Variants in FHIT observed in about 807,000 individuals in gnomAD.
The protein encoded by FHIT is fragile histidine triad diadenosine triphosphatase, also known as bis(5'-adenosyl)-triphosphatase.
In FHIT, 19 loss-of-function variants were observed where a neutral mutation model predicts 17.9. That is an observed-to-expected ratio of 1.06 (90% CI 0.74 to 1.56). The LOEUF is 1.56. Among genes scored for constraint, FHIT ranks in the 40% most tolerant of loss-of-function variants. The pLI, the probability that FHIT is intolerant of heterozygous loss-of-function variation, is 0.00. For synonymous variants in FHIT, 81 were observed against 69.7 expected, an observed-to-expected ratio of 1.16 and a Z score of -0.81; for missense variants, 248 against 189.2, an observed-to-expected ratio of 1.31 and a Z score of -1.82.
intron 5 of FHIT, among the ~76,000 whole-genome samples, chr3:60,522,424 T>C (rs1354926026): frequency 6.6e-6 from 1 of 152,198 alleles, no homozygotes; most frequent in Non-Finnish European, 1.5e-5. Context: ...ACAACCATAA[T>C]TTCTTAATGC....
At chr3:60,441,577 A>T (rs1378799557) in intron 5 of FHIT, among the ~76,000 whole-genome samples, 1 of 150,892 alleles carries the variant, frequency 6.6e-6, no homozygotes, top group Non-Finnish European at 1.5e-5. Flanking sequence ...CAAGATAGAG[A>T]CACACCTTTA....
chr3:60,090,969 T>TAC (rs141522412), intron 5 of FHIT, among the ~76,000 whole-genome samples: 1 of 152,286 alleles, frequency 6.6e-6, no homozygotes, highest in East Asian at 1.9e-4. Flanking sequence ...TTTCTCATCA[T>TAC]ACTCATCCAT....
At chr3:61,086,931 C>T (rs1575987403) in intron 2 of FHIT, among the ~76,000 whole-genome samples, 1 of 152,180 alleles carries the variant, frequency 6.6e-6, no homozygotes, top group East Asian at 1.9e-4. Context: ...TCTCCTACCA[C>T]TCACTCCCTT....
In FHIT at chr3:60,605,728, G is replaced by T. The variant is rs12638171; in HGVS notation, c.-17-68749C>A. 0.032 allele frequency among the ~76,000 whole-genome samples: 4,823 copies of T among 152,184 alleles called. 601 individuals are homozygous for T. In the East Asian group the frequency reaches 0.4, roughly 13 times the overall value. On this transcript the variant is annotated intron_variant, in intron 4 of 9. Coordinates refer to ENST00000492590, the MANE Select transcript of FHIT (RefSeq NM_002012.4). ...TTGCTTTATTTTCTGCTAGAGGTAC[G>T]GACAGGAGGTGCTGTGGGAACACAG...
At chr3:60,133,164 A>G (rs1699668236) in intron 5 of FHIT, among the ~76,000 whole-genome samples, 1 of 152,110 alleles carries the variant, frequency 6.6e-6, no homozygotes, top group South Asian at 2.1e-4. Context: ...TAGGCTGGAC[A>G]GTGAAGACAT....
intron 7 of FHIT, among the ~76,000 whole-genome samples, chr3:59,991,694 C>T (rs1709241465): frequency 6.6e-6 from 1 of 152,016 alleles, no homozygotes; most frequent in African/African-American, 2.4e-5. Context: ...GACCCTGGCT[C>T]CTGAATCTTT....
intron 5 of FHIT, among the ~76,000 whole-genome samples, chr3:60,203,715 T>G (rs183548005): frequency 1.3e-5 from 2 of 152,122 alleles, no homozygotes; most frequent in Non-Finnish European, 2.9e-5. Flanking sequence ...TCTTAAAATA[T>G]TTGATTTAGA....
At chr3:60,961,569 A>C (rs1410977666) in intron 3 of FHIT, among the ~76,000 whole-genome samples, 1 of 152,160 alleles carries the variant, frequency 6.6e-6, no homozygotes, top group African/African-American at 2.4e-5. Context: ...TAGGTCTAAC[A>C]TTTAAGTCTT....
intron 4 of FHIT, among the ~76,000 whole-genome samples, chr3:60,594,479 C>T (rs1157260561): frequency 6.6e-5 from 10 of 152,034 alleles, no homozygotes; most frequent in Admixed American, 6.6e-4. Flanking sequence ...AAGTGTTGCC[C>T]CCTGCATCCA....
intron 5 of FHIT, among the ~76,000 whole-genome samples, chr3:60,099,130 C>T: frequency 6.6e-6 from 1 of 152,300 alleles, no homozygotes; most frequent in East Asian, 1.9e-4. Context: ...AAAGAGTAAT[C>T]ATGCGCTGTT....
rs543395874 is a variant in FHIT at position 60,504,647 on chromosome 3, G to A, written c.103+32213C>T. On this transcript the variant is annotated intron_variant, in intron 5 of 9. Transcript: ENST00000492590. Reference sequence around the variant, plus strand: ...GATAGTGGACAGGCTGTATTCAACCGCAGCTCCAAAGGAGAAAGTGATTAA... The same window carrying A: ...GATAGTGGACAGGCTGTATTCAACCACAGCTCCAAAGGAGAAAGTGATTAA... Among the ~76,000 whole-genome samples the A allele has an allele frequency of 8.5e-5, 13 of 152,146 alleles. No homozygotes were observed. In the South Asian group the frequency reaches 1.9e-3, roughly 22 times the overall value.
chr3:60,408,878 C>A (rs1164033529), intron 5 of FHIT, among the ~76,000 whole-genome samples: 2 of 152,118 alleles, frequency 1.3e-5, no homozygotes, highest in African/African-American at 4.8e-5. Context: ...ATTCCAGTGG[C>A]TTTCCTGAGA....
intron 2 of FHIT, among the ~76,000 whole-genome samples, chr3:61,075,212 G>A (rs2034935037): frequency 1.3e-5 from 2 of 152,110 alleles, no homozygotes; most frequent in Non-Finnish European, 2.9e-5. Context: ...GGGAGCTTCT[G>A]CATCAACCTT....
intron 5 of FHIT, among the ~76,000 whole-genome samples, chr3:60,343,820 ATTT>A (rs1419316388): frequency 2.6e-5 from 4 of 152,098 alleles, no homozygotes; most frequent in African/African-American, 9.7e-5. Context: ...GACTGTCTTA[ATTT>A]TTGACAGAAA....
chr3:59,867,975 C>T (rs541574936), intron 8 of FHIT, among the ~76,000 whole-genome samples: 83 of 142,494 alleles, frequency 5.8e-4, no homozygotes, highest in Non-Finnish European at 9.4e-4. Context: ...TAAAACCCAA[C>T]GTTTTACTCT....
intron 5 of FHIT, among the ~76,000 whole-genome samples, chr3:60,488,918 T>A (rs1370764486): frequency 6.6e-6 from 1 of 152,158 alleles, no homozygotes; most frequent in Non-Finnish European, 1.5e-5. Flanking sequence ...TGACTGCAAA[T>A]GAACAAAATC....
chr3:60,069,987 G>C (rs2736813), intron 5 of FHIT, among the ~76,000 whole-genome samples: 14 of 152,188 alleles, frequency 9.2e-5, no homozygotes, highest in Non-Finnish European at 1.5e-4. Flanking sequence ...TTGCAACTTA[G>C]AAGTCACCTC....
At chr3:59,909,402 T>C (rs570868894) in intron 8 of FHIT, among the ~76,000 whole-genome samples, 1 of 152,094 alleles carries the variant, frequency 6.6e-6, no homozygotes, top group East Asian at 1.9e-4. Context: ...TGATCTCAGC[T>C]CACTGCAACC....
chr3:59,921,500 C>T (rs1199945916), intron 8 of FHIT, among the ~76,000 whole-genome samples: 3 of 152,362 alleles, frequency 2.0e-5, no homozygotes, highest in South Asian at 4.1e-4. Flanking sequence ...CCTTGGCAGG[C>T]GTTGCTAATC....
Sources: gnomAD v4.1 joint callset for allele counts (sites outside exome capture counted in the v4.1 genomes callset) on GRCh38, gnomAD v4.1.1 for gene constraint, MANE v1.5 for transcripts, NCBI Gene and HGNC (gene_info 2026-07-23, HGNC 2026-07-21) for gene names.